ADARB1: variants seen among roughly 807,000 people sequenced by gnomAD.
ADARB1 encodes adenosine deaminase RNA specific B1.
A neutral mutation model predicts 52.4 loss-of-function variants in ADARB1; 10 were observed. That is an observed-to-expected ratio of 0.19 (90% confidence interval 0.12 to 0.32). ADARB1 has a LOEUF of 0.32. ADARB1 is among the 10% of genes least tolerant of loss of function. The pLI, the probability that ADARB1 is intolerant of heterozygous loss-of-function variation, is 1.00. For missense variants in ADARB1, 643 were observed against 922.3 expected, an observed-to-expected ratio of 0.70 and a Z score of 3.92; for synonymous variants, 349 against 371.1, an observed-to-expected ratio of 0.94 and a Z score of 0.68.
intron 4 of ADARB1, 37 bp from the exon 5 acceptor site, chr21:45,180,293 A>T (rs1274176890): frequency 4.0e-6 from 6 of 1,484,532 alleles, no homozygotes; most frequent in Non-Finnish European, 5.6e-6. Flanking sequence ...TCCCAGCTGC[A>T]TCTGGCCCCT....
At chr21:45,079,345 A>G (rs1002730122) in intron 1 of ADARB1, among the ~76,000 whole-genome samples, 1 of 152,270 alleles carries the variant, frequency 6.6e-6, no homozygotes, top group Non-Finnish European at 1.5e-5. Context: ...ATGCACTTTC[A>G]TAAAAAAGGA....
chr21:45,168,203 A>T (rs9974770), intron 2 of ADARB1, among the ~76,000 whole-genome samples: 2,369 of 151,616 alleles, frequency 0.016, 57 homozygotes, highest in African/African-American at 0.054. Flanking sequence ...TTTACTGTTG[A>T]GCTTTGAGAA....
At chr21:45,191,876 ATATATTTTTTTTTTTTTTTTT>A (rs1270709319) in intron 8 of ADARB1, among the ~76,000 whole-genome samples, 9 of 35,082 alleles carry the variant, frequency 2.6e-4, no homozygotes, top group African/African-American at 4.9e-4. Flanking sequence ...ATATATATAT[ATATATTTTTTTTTTTTTTTTT>A]TTTTTTTTTT....
chr21:45,220,987 C>T lies in ADARB1; in HGVS notation c.1899C>T (p.Tyr633=), dbSNP rs1162987191. The T allele has an allele frequency of 3.7e-6, 6 of 1,612,712 alleles. No individual in the cohort carries two copies. Among genetic ancestry groups the T allele is most frequent in the Non-Finnish European group, 4.2e-6 (5 of 1,179,978 alleles). The change falls in exon 10 of 11, where the codon TAC becomes TAT. Residue 633 remains tyrosine (Y), a synonymous_variant. Coordinates refer to ENST00000348831, the MANE Select transcript of ADARB1 (RefSeq NM_001112.4). The surrounding 1 kb of genome is among the most constrained non-coding windows in gnomAD (Gnocchi z 6.3). The part of the protein sequence containing the change: ...RASRLCKHAL[Y]CRWMRVHGKV... Reference sequence around the variant, plus strand: ...CCCGCCTGTGTAAGCACGCGTTGTACTGTCGCTGGATGCGTGTGCACGGCA... The same window carrying T: ...CCCGCCTGTGTAAGCACGCGTTGTATTGTCGCTGGATGCGTGTGCACGGCA...
chr21:45,140,799 A>G (rs2089680856), intron 2 of ADARB1, among the ~76,000 whole-genome samples: 1 of 152,172 alleles, frequency 6.6e-6, no homozygotes, highest in South Asian at 2.1e-4. Flanking sequence ...TGTAAATAAA[A>G]TTTTATCAAG....
At chr21:45,086,735 T>C (rs2086361144) in intron 1 of ADARB1, among the ~76,000 whole-genome samples, 1 of 152,256 alleles carries the variant, frequency 6.6e-6, no homozygotes, top group African/African-American at 2.4e-5. Flanking sequence ...GGGTTGTTTC[T>C]GCATTCTGGC....
At position 45,128,048 on chromosome 21, in the gene ADARB1, G is replaced by A. The variant is rs1399530698; in HGVS notation, c.-219-354G>A. Among the ~76,000 whole-genome samples, 1 of 152,084 alleles carries A rather than the reference G, an allele frequency of 6.6e-6. No individual in the cohort carries two copies. The highest frequency in any genetic ancestry group is 1.5e-5 in the Non-Finnish European group (1 of 68,024). ...ACATTCACATGTGTGCATGTGTAGG[G>A]GTGTGTGCATATTGAATTGTAAAAA... On this transcript the variant is annotated intron_variant, in intron 1 of 10. Transcript: ENST00000348831. This position sits in a 1 kb window ranked among gnomAD's most constrained non-coding sequence, Gnocchi z 4.6.
intron 9 of ADARB1, among the ~76,000 whole-genome samples, chr21:45,206,072 G>A (rs1439659149): frequency 4.6e-5 from 7 of 152,210 alleles, no homozygotes; most frequent in Non-Finnish European, 1.0e-4. Flanking sequence ...TTGATGGTAG[G>A]TAGGTTGAAA....
chr21:45,216,594 T>C (rs1688640604), intron 9 of ADARB1, among the ~76,000 whole-genome samples: 1 of 152,156 alleles, frequency 6.6e-6, no homozygotes, highest in Non-Finnish European at 1.5e-5. Flanking sequence ...TCAGTCCTTT[T>C]AAATTTATTA....
At chr21:45,199,561 C>A (rs1319121356) in intron 8 of ADARB1, among the ~76,000 whole-genome samples, 1 of 152,204 alleles carries the variant, frequency 6.6e-6, no homozygotes, top group Non-Finnish European at 1.5e-5. Context: ...AAGCAGCCCA[C>A]CATACACTAT....
At chr21:45,106,969 T>C (rs970520464) in intron 1 of ADARB1, among the ~76,000 whole-genome samples, 1 of 152,150 alleles carries the variant, frequency 6.6e-6, no homozygotes, top group Non-Finnish European at 1.5e-5. Flanking sequence ...AGGCATACCA[T>C]GTGGAAAAGA....
intron 1 of ADARB1, among the ~76,000 whole-genome samples, chr21:45,104,427 A>T (rs1261131707): frequency 1.3e-5 from 2 of 152,140 alleles, no homozygotes; most frequent in Non-Finnish European, 2.9e-5. Context: ...GTGAGTTCCA[A>T]GAAAGAGCAG....
intron 9 of ADARB1, among the ~76,000 whole-genome samples, chr21:45,216,919 C>G (rs897124512): frequency 6.6e-6 from 1 of 151,738 alleles, no homozygotes; most frequent in Non-Finnish European, 1.5e-5. Flanking sequence ...GTTGGTTTAT[C>G]TTAATAAACC....
chr21:45,147,590 C>T (rs1019100740), intron 2 of ADARB1, among the ~76,000 whole-genome samples: 2 of 152,170 alleles, frequency 1.3e-5, no homozygotes, highest in African/African-American at 4.8e-5. Flanking sequence ...GCCTCTTTTA[C>T]CAAAATGGGT....
At chr21:45,080,215 C>T (rs2123617459) in intron 1 of ADARB1, among the ~76,000 whole-genome samples, 1 of 152,152 alleles carries the variant, frequency 6.6e-6, no homozygotes, top group South Asian at 2.1e-4. Context: ...AGGGAAGAGT[C>T]ATGGGATGGT....
intron 1 of ADARB1, among the ~76,000 whole-genome samples, chr21:45,126,484 A>C (rs918171526): frequency 1.3e-5 from 2 of 152,228 alleles, no homozygotes; most frequent in Non-Finnish European, 2.9e-5. Context: ...CTGTGATCTT[A>C]GTCACGGGGC....
At chr21:45,091,272 A>G (rs773999721) in intron 1 of ADARB1, among the ~76,000 whole-genome samples, 4 of 152,140 alleles carry the variant, frequency 2.6e-5, no homozygotes, top group East Asian at 1.9e-4. Context: ...CTCTAAATCA[A>G]TCCGATTTCT....
chr21:45,166,485 A>G (rs968997281), intron 2 of ADARB1, among the ~76,000 whole-genome samples: 1 of 152,140 alleles, frequency 6.6e-6, no homozygotes, highest in Non-Finnish European at 1.5e-5. Flanking sequence ...CACCTTTACC[A>G]AATATTCTGT....
chr21:45,196,972 G>C (rs544146096), intron 8 of ADARB1, among the ~76,000 whole-genome samples: 14 of 152,110 alleles, frequency 9.2e-5, no homozygotes, highest in African/African-American at 2.9e-4. Context: ...CAGATGGATC[G>C]CTTGAGGTCA....
Sources: allele counts gnomAD v4.1 joint callset (sites outside exome capture counted in the v4.1 genomes callset), GRCh38; gene constraint gnomAD v4.1.1; non-coding constraint Gnocchi (gnomAD v3.1); transcripts MANE v1.5; gene names NCBI Gene and HGNC (gene_info 2026-07-23, HGNC 2026-07-21).